The following TTN variants were observed in gnomAD, a reference collection of about 807,000 sequenced individuals.
The protein encoded by TTN is titin, also known as connectin.
In TTN, 1,525 loss-of-function variants were observed where a neutral mutation model predicts 3,223.0. The observed-to-expected ratio is 0.47, with a 90% CI of 0.45 to 0.49. TTN has a LOEUF of 0.49. Ranked by LOEUF, TTN falls within the 20% of genes least tolerant of loss-of-function variation. The probability of loss-of-function intolerance (pLI) is 0.00; values close to 1 mark genes in which losing one functional copy is unlikely to be tolerated. For synonymous variants in TTN, 14,094 were observed against 15,161.0 expected (o/e 0.93, Z 5.17); for missense variants, 40,786 against 43,424.0 (o/e 0.94, Z 5.40).
chr2:178,779,206 T>TGTG, intron 23 of TTN, 23 bp downstream of exon 23: 1 of 1,613,188 alleles, frequency 6.2e-7, no homozygotes, highest in Non-Finnish European at 8.5e-7. Flanking sequence ...GGCAAGGAGC[T>TGTG]ATGATAAATG....
rs56310717 is a variant in TTN at position 178,802,133 on chromosome 2, C to T, written c.295+5G>A. The T allele has an allele frequency of 3.3e-5, 54 of 1,613,902 alleles. No homozygotes were observed. Among genetic ancestry groups the T allele is most frequent in the Non-Finnish European group, 4.6e-5 (54 of 1,179,998 alleles). On this transcript the variant is annotated splice_donor_5th_base_variant and intron_variant, in intron 3 of 362. Transcript: ENST00000589042. ...CAGAGGATTGGCAGGTCCCCAGCAG[C>T]CTACCTTTCACGAGAAGCTCAGCAG... is the stretch of plus-strand genomic sequence containing the variant.
Position 178,625,377 on chromosome 2 carries a change from C to T in TTN, c.44444G>A (p.Gly14815Glu), listed in dbSNP as rs1157011423. 14 of 1,580,202 alleles carry T rather than the reference C, an allele frequency of 8.9e-6. No homozygotes were observed. Among genetic ancestry groups the T allele is most frequent in the Non-Finnish European group, 1.1e-5 (13 of 1,167,258 alleles). Residue 14815 changes from glycine (G) to glutamate (E), a missense_variant, in exon 241 of 363, where the codon GGA (glycine) becomes GAA (glutamate). By Grantham distance (98) the Gly-to-Glu change is moderately conservative (BLOSUM62 -2). Transcript: ENST00000589042. ...PSDKVVPRSE[G>E]KVHTLTLRDV... Reference sequence around the variant, plus strand: ...CCTCAGAGTAAGTGTATGAACTTTTCCTTCTGAACGTGGGACCACCTAGTT... The same window carrying T: ...CCTCAGAGTAAGTGTATGAACTTTTTCTTCTGAACGTGGGACCACCTAGTT...
Position 178,599,199 on chromosome 2 carries a change from T to C in TTN, c.56594A>G (p.Tyr18865Cys). 5.9e-6 allele frequency: 9 copies of C among 1,516,444 alleles called. No individual in the cohort carries two copies. The highest frequency in any genetic ancestry group is 7.9e-6 in the Non-Finnish European group (9 of 1,137,148). The allele number at this position is 1,516,444 out of a possible 1,614,324, so 93.9% of individuals were successfully genotyped here. The stretch of plus-strand genomic sequence containing the variant: ...ACTGTCAAGAGGTTCTCCAATGCCA[T>C]ATTTATTCTGGGCCATGATTCGGAA... ...YVFRIMAQNK[Y>C]GIGEPLDSEP... Residue 18865 changes from tyrosine (Y) to cysteine (C), a missense_variant, in exon 290 of 363, where the codon TAT becomes TGT. Tyr to Cys is a radical substitution (Grantham distance 194, BLOSUM62 -2). Coordinates refer to ENST00000589042, the MANE Select transcript of TTN (RefSeq NM_001267550.2).
In TTN at chr2:178,733,415, T is replaced by C. The variant is rs761945485; in HGVS notation, c.15878A>G (p.Lys5293Arg). Residue 5293 changes from lysine to arginine, a missense_variant, in exon 54 of 363, where the codon AAA (lysine) becomes AGA (arginine). Lys to Arg is a conservative substitution (Grantham distance 26, BLOSUM62 2). Transcript: ENST00000589042. Reference protein sequence around the residue: ...TVAGTPELKPKWYKDGRPLVA... With the variant: ...TVAGTPELKPRWYKDGRPLVA... ...CAAGGGTCTCCCATCTTTGTACCAT[T>C]TGGGCTTCAGTTCTGGCGTGCCTGC... 2.5e-6 allele frequency: 4 copies of C among 1,613,828 alleles called. No individual in the cohort carries two copies. Among genetic ancestry groups the C allele is most frequent in the South Asian group, 1.1e-5 (1 of 91,070 alleles).
At position 178,533,294 on chromosome 2, in the gene TTN, T is replaced by C. The variant is rs1166860726; in HGVS notation, c.103321A>G (p.Thr34441Ala). 6.2e-7 allele frequency: 1 copy of C among 1,613,956 alleles called. No homozygotes were observed. The highest frequency in any genetic ancestry group is 2.2e-5 in the East Asian group (1 of 44,874). Reference sequence around the variant, plus strand: ...GCCTGGCAGCTGGTGGACCCAGCTGTGTTAGTGGCTGTGACTCTATAATAA... The same window carrying C: ...GCCTGGCAGCTGGTGGACCCAGCTGCGTTAGTGGCTGTGACTCTATAATAA... ...TGYYRVTATNTAGSTSCQAHL... is the reference protein window; with the variant it reads ...TGYYRVTATNAAGSTSCQAHL... Residue 34441 changes from threonine (T) to alanine (A), a missense_variant, in exon 358 of 363, where the codon ACA (threonine) becomes GCA (alanine). By Grantham distance (58) the Thr-to-Ala change is moderately conservative (BLOSUM62 0). Transcript: ENST00000589042.
In TTN at chr2:178,587,321, T is replaced by C. The variant is rs372983838; in HGVS notation, c.63890A>G (p.Gln21297Arg). 1.9e-6 allele frequency: 3 copies of C among 1,612,836 alleles called. No individual in the cohort carries two copies. The highest frequency in any genetic ancestry group is 1.3e-5 in the African/African-American group (1 of 74,956). ...WAPPENDGGSQVTHYIVEKRE... is the reference protein window; with the variant it reads ...WAPPENDGGSRVTHYIVEKRE... Reference sequence around the variant, plus strand: ...TTTCTCCACGATATAATGTGTCACTTGGCTCCCACCGTCGTTTTCAGGAGG... The same window carrying C: ...TTTCTCCACGATATAATGTGTCACTCGGCTCCCACCGTCGTTTTCAGGAGG... The change falls in exon 307 of 363, where the codon CAA becomes CGA. Residue 21297 changes from glutamine (Q) to arginine (R), a missense_variant. By Grantham distance (43) the Gln-to-Arg change is conservative. Transcript: ENST00000589042.
intron 349 of TTN, chr2:178,542,021 C>T (rs1352066851): frequency 2.7e-6 from 1 of 377,310 alleles, no homozygotes; most frequent in Non-Finnish European, 4.7e-6. Context: ...TCCTAACTCC[C>T]TCCTCTTCTC....
chr2:178,612,816 T>A lies in TTN; in HGVS notation c.49905A>T (p.Glu16635Asp). ...VRAVNKAGES[E>D]PSEPSDPVLC... is the part of the protein sequence containing the mutation. ...GCACAGGGTCACTGGGTTCACTGGG[T>A]TCACTTTCCCCAGCCTTATTCACAG... Residue 16635 changes from glutamate to aspartate, a missense_variant, in exon 265 of 363, where the codon GAA becomes GAT. By Grantham distance (45) the Glu-to-Asp change is conservative. Transcript: ENST00000589042. 6.2e-7 allele frequency: 1 copy of A among 1,612,368 alleles called. No individual in the cohort carries two copies. Among genetic ancestry groups the A allele is most frequent in the East Asian group, 2.2e-5 (1 of 44,536 alleles).
At position 178,777,703 on chromosome 2, in the gene TTN, C is replaced by G; in HGVS notation, c.4480+1G>C. Reference sequence around the variant, plus strand: ...CATGAGCAAAAACTTATCACGCTTACCATCATGAAACCAGAACGTCTCTGG... The same window carrying G: ...CATGAGCAAAAACTTATCACGCTTAGCATCATGAAACCAGAACGTCTCTGG... On this transcript the variant is annotated splice_donor_variant, in intron 25 of 362. Coordinates refer to ENST00000589042, the MANE Select transcript of TTN (RefSeq NM_001267550.2). LOFTEE classifies it high-confidence loss of function. The G allele has an allele frequency of 6.2e-7, 1 of 1,614,014 alleles. No individual in the cohort carries two copies. The highest frequency in any genetic ancestry group is 8.5e-7 in the Non-Finnish European group (1 of 1,179,936).
rs781662401 is a variant in TTN, at chr2:178,718,500, C to A, written c.24606G>T (p.Val8202=). Reference sequence around the variant, plus strand: ...TAAGATACTCGTCCTTTATCCAGCTCACTGAGATTGGAGGTGTGCCAGTGT... The same window carrying A: ...TAAGATACTCGTCCTTTATCCAGCTAACTGAGATTGGAGGTGTGCCAGTGT... The part of the protein sequence containing the change: ...ATYTGTPPIS[V]SWIKDEYLIS... Residue 8202 remains valine, a synonymous_variant, in exon 85 of 363, where the codon GTG becomes GTT. Coordinates refer to ENST00000589042, the MANE Select transcript of TTN (RefSeq NM_001267550.2). The A allele has an allele frequency of 3.1e-6, 5 of 1,613,562 alleles. No individual in the cohort carries two copies. The highest frequency in any genetic ancestry group is 8.5e-7 in the Non-Finnish European group (1 of 1,179,754).
In TTN at chr2:178,711,094, G is replaced by C. The variant is rs763983068; in HGVS notation, c.28142C>G (p.Ser9381Cys). Residue 9381 changes from serine (S) to cysteine (C), a missense_variant, in exon 97 of 363, where the codon TCT becomes TGT. Physicochemically the swap from Ser to Cys is moderately radical, Grantham distance 112 (BLOSUM62 -1). Transcript: ENST00000589042. ...YSCTATNPIGSASSSARLILT... is the reference protein window; with the variant it reads ...YSCTATNPIGCASSSARLILT... ...AATGAGCCTGGCACTGGAAGAAGCAGAGCCTATAGGGTTTGTAGCTGTGCA... is the reference window on the plus strand; with the variant it reads ...AATGAGCCTGGCACTGGAAGAAGCACAGCCTATAGGGTTTGTAGCTGTGCA... 21 of 1,604,544 alleles carry C rather than the reference G, an allele frequency of 1.3e-5. No individual in the cohort carries two copies. The highest frequency in any genetic ancestry group is 1.6e-5 in the Non-Finnish European group (19 of 1,174,992).
At position 178,542,330 on chromosome 2, in the gene TTN, C is replaced by T. The variant is rs760169773; in HGVS notation, c.97426G>A (p.Ala32476Thr). The T allele has an allele frequency of 1.3e-5, 21 of 1,613,034 alleles. No individual in the cohort carries two copies. The highest frequency in any genetic ancestry group is 1.5e-5 in the Non-Finnish European group (18 of 1,179,508). ...EGNEYVFRVA[A>T]TNRFGIGSYL... is the part of the protein sequence containing the mutation. ...GAGCCAATCCCGAAGCGGTTTGTTG[C>T]AGCCACACGGAACACATACTCATTT... The change falls in exon 349 of 363, where the codon GCA (alanine) becomes ACA (threonine). Residue 32476 changes from alanine (A) to threonine (T), a missense_variant. Coordinates refer to ENST00000589042, the MANE Select transcript of TTN (RefSeq NM_001267550.2).
chr2:178,643,655 T>C (rs2061523702), intron 218 of TTN, among the ~76,000 whole-genome samples: 1 of 151,932 alleles, frequency 6.6e-6, no homozygotes. Context: ...CCCAACATTG[T>C]AGCTATTATT....
intron 11 of TTN, 33 bp from the exon 12 acceptor site, chr2:178,790,148 A>G: frequency 6.2e-7 from 1 of 1,600,200 alleles, no homozygotes; most frequent in Non-Finnish European, 8.5e-7. Context: ...GAAAATAGTC[A>G]TTAAATTCCA....
rs770782245 is a variant in TTN at position 178,721,049 on chromosome 2, A to G, written c.22970T>C (p.Met7657Thr). 4 of 1,613,430 alleles carry G rather than the reference A, an allele frequency of 2.5e-6. No homozygotes were observed. The Admixed American group carries it at 5.0e-5, about 20-fold the overall frequency. ...SELHESWKYN[M>T]SFINSVALLT... ...CAATGCCACAGAATTAATGAATGAC[A>G]TGTTGTATTTCCAACTTTCATGAAG... The change falls in exon 79 of 363, where the codon ATG becomes ACG. Residue 7657 changes from methionine (M) to threonine (T), a missense_variant. Met to Thr is a moderately conservative substitution (Grantham distance 81, BLOSUM62 -1). Transcript: ENST00000589042.
At chr2:178,778,673 A>G in intron 24 of TTN, 1 of 677,654 alleles carries the variant, frequency 1.5e-6, no homozygotes, top group Non-Finnish European at 2.5e-6. Context: ...AATAAACAGT[A>G]TGTTACACTG....
chr2:178,612,547 C>T lies in TTN; in HGVS notation c.49978G>A (p.Val16660Ile), dbSNP rs757016105. 1.2e-5 allele frequency: 19 copies of T among 1,611,172 alleles called. No individual in the cohort carries two copies. In the Admixed American group the frequency reaches 3.0e-4, roughly 26 times the overall value. The change falls in exon 266 of 363, where the codon GTT becomes ATT. Residue 16660 changes from valine to isoleucine, a missense_variant. Coordinates refer to ENST00000589042, the MANE Select transcript of TTN (RefSeq NM_001267550.2). Reference sequence around the variant, plus strand: ...GCTGTATTTTTTGTGATATTAATAACTTCAAGCCAGCGTGGTGGTGATGGA... The same window carrying T: ...GCTGTATTTTTTGTGATATTAATAATTTCAAGCCAGCGTGGTGGTGATGGA... ...YPPSPPRWLE[V>I]INITKNTADL...
intron 47 of TTN, chr2:178,751,335 C>T (rs769005756): frequency 1.2e-6 from 2 of 1,609,854 alleles, no homozygotes; most frequent in Non-Finnish European, 1.7e-6. Flanking sequence ...CTTTCACCTA[C>T]ATTAAGCCAA....
intron 48 of TTN, 137 bp downstream of exon 48, chr2:178,739,004 T>C: frequency 8.7e-7 from 1 of 1,152,766 alleles, no homozygotes; most frequent in Non-Finnish European, 1.2e-6. Context: ...ACCATGATTA[T>C]GTCTGTGATT....
Sources: gnomAD v4.1 joint callset for allele counts (sites outside exome capture counted in the v4.1 genomes callset) on GRCh38, gnomAD v4.1.1 for gene constraint, MANE v1.5 for transcripts, NCBI Gene and HGNC (gene_info 2026-07-23, HGNC 2026-07-21) for gene names.